The following DNAJC18 variants were observed in gnomAD, a reference collection of about 807,000 sequenced individuals.
DNAJC18 encodes DnaJ heat shock protein family (Hsp40) member C18, also known as dnaJ homolog subfamily C member 18.
DNAJC18 carries 40 observed loss-of-function variants against 48.6 expected under a neutral mutation model. The ratio of observed to expected loss-of-function variants is 0.82; its 90% CI spans 0.64 to 1.07. The LOEUF (loss-of-function observed/expected upper bound fraction) is 1.07. Ranked by LOEUF, DNAJC18 falls within the 50% of genes least tolerant of loss-of-function variation. The pLI is 0.00. For synonymous variants in DNAJC18, 135 were observed against 152.2 expected (o/e 0.89, Z 0.83); for missense variants, 340 against 427.7 (o/e 0.79, Z 1.81).
chr5:139,420,266 T>G (rs776582582), intron 6 of DNAJC18, 41 bp from the exon 7 acceptor site: 1 of 1,569,904 alleles, frequency 6.4e-7, no homozygotes, highest in South Asian at 1.2e-5. Flanking sequence ...CTCATAATAT[T>G]TGGCAATATT....
chr5:139,437,411 T>C lies in DNAJC18; in HGVS notation c.188A>G (p.Asn63Ser), dbSNP rs781752431. 5.0e-6 allele frequency: 8 copies of C among 1,613,846 alleles called. No homozygotes were observed. Among genetic ancestry groups the C allele is most frequent in the African/African-American group, 1.3e-5 (1 of 75,034 alleles). The change falls in exon 2 of 8, where the codon AAC becomes AGC. Residue 63 changes from asparagine (N) to serine (S), a missense_variant. Asn to Ser is a conservative substitution (Grantham distance 46). Transcript: ENST00000302060. ...CAGCTGTTCCTCACTATACGTGGAG[T>C]TCCCCTCACCCTGCCGGGTCTGAGT... ...EWTQTRQGEG[N>S]STYSEEQLLG...
chr5:139,422,359 G>A (rs373714832), intron 6 of DNAJC18, among the ~76,000 whole-genome samples: 17 of 152,182 alleles, frequency 1.1e-4, no homozygotes, highest in African/African-American at 4.1e-4. Context: ...ACAGGGTCCA[G>A]CAATCCTATC....
Position 139,429,105 on chromosome 5 carries a change from C to T in DNAJC18, c.228-422G>A, listed in dbSNP as rs1431413846. Among the ~76,000 whole-genome samples the T allele has an allele frequency of 6.3e-5, 7 of 110,274 alleles. No individual in the cohort carries two copies. The South Asian group carries it at 1.2e-3, about 19-fold the overall frequency. The allele number at this position is 110,274 out of a possible 152,430, so 72.3% of individuals were successfully genotyped here. ...CTTTTTTTTTTTTTTTTTTTTGAGA[C>T]GTAGTCTTGCTCTTGTTGCCTGGGC... On this transcript the variant is annotated intron_variant, in intron 2 of 7. Coordinates refer to ENST00000302060, the MANE Select transcript of DNAJC18 (RefSeq NM_152686.4).
At chr5:139,433,891 T>C (rs1759369015) in intron 2 of DNAJC18, among the ~76,000 whole-genome samples, 1 of 152,204 alleles carries the variant, frequency 6.6e-6, no homozygotes, top group African/African-American at 2.4e-5. Flanking sequence ...GAGATGGTGA[T>C]GATGATGATT....
intron 1 of DNAJC18, among the ~76,000 whole-genome samples, chr5:139,438,741 C>T (rs1196452061): frequency 6.6e-6 from 1 of 152,204 alleles, no homozygotes; most frequent in African/African-American, 2.4e-5. Flanking sequence ...CCTCCCTTGA[C>T]AGCCAGTCTG....
intron 2 of DNAJC18, among the ~76,000 whole-genome samples, chr5:139,432,600 G>A (rs898500035): frequency 6.6e-6 from 1 of 152,230 alleles, no homozygotes; most frequent in Admixed American, 6.5e-5. Context: ...CCAAGTAGCT[G>A]AGACTACAGG....
At chr5:139,422,372 C>G (rs919144248) in intron 6 of DNAJC18, among the ~76,000 whole-genome samples, 1 of 152,214 alleles carries the variant, frequency 6.6e-6, no homozygotes, top group African/African-American at 2.4e-5. Context: ...ATCCTATCAA[C>G]AGCTTAACAG....
chr5:139,413,854 C>A lies in DNAJC18; in HGVS notation c.*294G>T. 2 of 345,216 alleles carry A rather than the reference C, an allele frequency of 5.8e-6. No individual in the cohort carries two copies. The highest frequency in any genetic ancestry group is 1.0e-5 in the Non-Finnish European group (2 of 190,600). The allele number at this position is 345,216 out of a possible 1,614,324, so 21.4% of individuals were successfully genotyped here. ...AAGCATGGATCTGCTCTGGGATGCC[C>A]TGAACTCCATTCACATAGGCAGGGT... is the stretch of plus-strand genomic sequence containing the variant. On this transcript the variant is annotated 3_prime_UTR_variant, in exon 8 of 8. Coordinates refer to ENST00000302060, the MANE Select transcript of DNAJC18 (RefSeq NM_152686.4).
At chr5:139,425,171 T>C in intron 4 of DNAJC18, 57 bp from the exon 5 acceptor site, 5 of 1,028,196 alleles carry the variant, frequency 4.9e-6, no homozygotes, top group Non-Finnish European at 6.7e-6. Flanking sequence ...TGCCTTTTTC[T>C]TTTTTTTTTG....
intron 3 of DNAJC18, among the ~76,000 whole-genome samples, chr5:139,426,822 T>A (rs1258029606): frequency 6.6e-6 from 1 of 152,142 alleles, no homozygotes; most frequent in Non-Finnish European, 1.5e-5. Flanking sequence ...GCCACTGCCT[T>A]CCAGGCTGGG....
At chr5:139,438,010 G>A (rs1449866903) in intron 1 of DNAJC18, among the ~76,000 whole-genome samples, 2 of 152,178 alleles carry the variant, frequency 1.3e-5, no homozygotes, top group Non-Finnish European at 1.5e-5. Flanking sequence ...ATACAAATTC[G>A]TAAACTTTCT....
chr5:139,428,160 G>C (rs1438870639), intron 3 of DNAJC18, among the ~76,000 whole-genome samples: 1 of 152,192 alleles, frequency 6.6e-6, no homozygotes, highest in East Asian at 1.9e-4. Context: ...ACTTTGGAAG[G>C]CCTAGGCGGG....
chr5:139,419,928 C>T, intron 7 of DNAJC18, 125 bp downstream of exon 7: 2 of 974,036 alleles, frequency 2.1e-6, no homozygotes, highest in Non-Finnish European at 2.9e-6. Flanking sequence ...TGGCCTTTGT[C>T]CTCTGACTCT....
intron 6 of DNAJC18, 114 bp from the exon 7 acceptor site, chr5:139,420,339 T>C: frequency 9.2e-7 from 1 of 1,082,424 alleles, no homozygotes; most frequent in Non-Finnish European, 1.3e-6. Flanking sequence ...GAGGCAGATA[T>C]CATTTTCTAA....
At position 139,422,726 on chromosome 5, in the gene DNAJC18, T is replaced by C. The variant is rs779644233; in HGVS notation, c.761A>G (p.Tyr254Cys). ...ITQLLATNPPYSLFYKSTLGY... is the reference protein window; with the variant it reads ...ITQLLATNPPCSLFYKSTLGY... ...GACTTACGATTTATAGAACAGACTA[T>C]ATGGGGGATTAGTAGCCAGCAGCTG... Residue 254 changes from tyrosine (Y) to cysteine (C), a missense_variant, in exon 6 of 8, where the codon TAT becomes TGT. By Grantham distance (194) the Tyr-to-Cys change is radical. Transcript: ENST00000302060. 1.4e-5 allele frequency: 23 copies of C among 1,607,326 alleles called. No individual in the cohort carries two copies. The highest frequency in any genetic ancestry group is 1.9e-5 in the Non-Finnish European group (22 of 1,176,436).
At chr5:139,420,300 T>TATC (rs1427352377) in intron 6 of DNAJC18, 75 bp from the exon 7 acceptor site, 3 of 1,374,370 alleles carry the variant, frequency 2.2e-6, no homozygotes, top group African/African-American at 1.5e-5. Flanking sequence ...CCCTCACAGA[T>TATC]ATCATCATCA....
Position 139,414,289 on chromosome 5 carries a change from G to T in DNAJC18, c.953-17C>A, listed in dbSNP as rs926372574. The stretch of plus-strand genomic sequence containing the variant: ...GCTCTGACTCTGAAAGATAAAAGAG[G>T]TAACCAATTCATCAAGAGCTGAACT... On this transcript the variant is annotated splice_polypyrimidine_tract_variant and intron_variant, in intron 7 of 7. Transcript: ENST00000302060. 2 of 1,603,628 alleles carry T rather than the reference G, an allele frequency of 1.2e-6. No homozygotes were observed. The highest frequency in any genetic ancestry group is 1.7e-6 in the Non-Finnish European group (2 of 1,176,176).
chr5:139,437,025 AT>A (rs1470629967), intron 2 of DNAJC18, among the ~76,000 whole-genome samples: 1 of 152,108 alleles, frequency 6.6e-6, no homozygotes, highest in Non-Finnish European at 1.5e-5. Flanking sequence ...ATCTTTTTAA[AT>A]TTATTGAGGC....
chr5:139,435,538 G>A (rs954148121), intron 2 of DNAJC18, among the ~76,000 whole-genome samples: 1 of 151,858 alleles, frequency 6.6e-6, no homozygotes, highest in Non-Finnish European at 1.5e-5. Flanking sequence ...TTACATTGCT[G>A]TATTTGTTTT....
Sources: gnomAD v4.1 joint callset for allele counts (sites outside exome capture counted in the v4.1 genomes callset) on GRCh38, gnomAD v4.1.1 for gene constraint, MANE v1.5 for transcripts, NCBI Gene and HGNC (gene_info 2026-07-23, HGNC 2026-07-21) for gene names.